Variants in ADAMTS12 observed in about 807,000 individuals in gnomAD.
The protein encoded by ADAMTS12 is A disintegrin and metalloproteinase with thrombospondin motifs 12.
In ADAMTS12, 118 loss-of-function variants were observed where a neutral mutation model predicts 167.8. The observed-to-expected ratio is 0.70, with a 90% confidence interval of 0.61 to 0.82. The LOEUF (loss-of-function observed/expected upper bound fraction) is 0.82, where lower values mean the gene tolerates loss of function less well. Among genes scored for constraint, ADAMTS12 ranks in the 40% least tolerant of loss-of-function variants. ADAMTS12 has a pLI of 0.00. For missense variants in ADAMTS12, 1,916 were observed against 1,998.8 expected, an observed-to-expected ratio of 0.96 and a Z score of 0.79; for synonymous variants, 704 against 716.9, an observed-to-expected ratio of 0.98 and a Z score of 0.29.
intron 15 of ADAMTS12, among the ~76,000 whole-genome samples, chr5:33,615,507 T>C (rs1357519862): frequency 2.0e-5 from 3 of 152,144 alleles, no homozygotes; most frequent in African/African-American, 7.2e-5. Context: ...ATCCCCACTG[T>C]TGGAAAGCTA....
chr5:33,703,653 C>T (rs966400994), intron 3 of ADAMTS12, among the ~76,000 whole-genome samples: 2 of 152,166 alleles, frequency 1.3e-5, no homozygotes, highest in Non-Finnish European at 2.9e-5. Context: ...TGGCATTTAT[C>T]TTTCTGTGTC....
At chr5:33,556,462 C>T (rs1745491234) in intron 20 of ADAMTS12, among the ~76,000 whole-genome samples, 1 of 152,190 alleles carries the variant, frequency 6.6e-6, no homozygotes, top group Non-Finnish European at 1.5e-5. Context: ...TGTCTCAGTC[C>T]TCTGTCATGT....
chr5:33,884,803 A>G (rs1238086079), intron 1 of ADAMTS12, among the ~76,000 whole-genome samples: 1 of 152,236 alleles, frequency 6.6e-6, no homozygotes, highest in African/African-American at 2.4e-5. Context: ...AACTGAGACA[A>G]AAGAAAGAGT....
At chr5:33,836,947 C>A (rs1748550464) in intron 2 of ADAMTS12, among the ~76,000 whole-genome samples, 1 of 151,888 alleles carries the variant, frequency 6.6e-6, no homozygotes. Context: ...CAGGGTCTCA[C>A]TATGTTGCCC....
intron 1 of ADAMTS12, among the ~76,000 whole-genome samples, chr5:33,888,742 A>G (rs1580027132): frequency 1.3e-5 from 2 of 152,340 alleles, no homozygotes; most frequent in South Asian, 4.1e-4. Flanking sequence ...CTAAGGGGAT[A>G]TGATTGGCTG....
intron 17 of ADAMTS12, among the ~76,000 whole-genome samples, chr5:33,590,446 G>A (rs929166370): frequency 2.0e-5 from 3 of 152,106 alleles, no homozygotes; most frequent in African/African-American, 7.2e-5. Flanking sequence ...AATGGATTAA[G>A]GCCACTTGGA....
intron 2 of ADAMTS12, among the ~76,000 whole-genome samples, chr5:33,853,467 G>A (rs1237479502): frequency 6.6e-6 from 1 of 152,186 alleles, no homozygotes; most frequent in Non-Finnish European, 1.5e-5. Context: ...ACACAGATTT[G>A]AACATAACGC....
rs748800367 is a variant in ADAMTS12, at chr5:33,658,276, A to T, written c.1098T>A (p.Leu366=). The T allele has an allele frequency of 1.2e-6, 2 of 1,613,756 alleles. No homozygotes were observed. Among genetic ancestry groups the T allele is most frequent in the Admixed American group, 3.3e-5 (2 of 59,970 alleles). Residue 366 remains leucine (L), a synonymous_variant, in exon 7 of 24, where the codon CTT becomes CTA. Coordinates refer to ENST00000504830, the MANE Select transcript of ADAMTS12 (RefSeq NM_030955.4). ...TGCGGTGAGGCTGACACATTCCTGAAAGGTGAGACAGGCCCAGGGTCTCGC... is the reference window on the plus strand; with the variant it reads ...TGCGGTGAGGCTGACACATTCCTGATAGGTGAGACAGGCCCAGGGTCTCGC... ...RPCETLGLSH[L]SGMCQPHRSC... is the part of the protein sequence containing the mutation.
chr5:33,705,944 A>G (rs1488116238), intron 3 of ADAMTS12, among the ~76,000 whole-genome samples: 1 of 152,216 alleles, frequency 6.6e-6, no homozygotes, highest in African/African-American at 2.4e-5. Context: ...CCTCTACAAG[A>G]AACTACAAAA....
At chr5:33,529,169 A>ATGT (rs1387854469) in intron 23 of ADAMTS12, among the ~76,000 whole-genome samples, 4 of 152,228 alleles carry the variant, frequency 2.6e-5, no homozygotes, top group African/African-American at 4.8e-5. Context: ...ATGTACAAAT[A>ATGT]ATTCCCAGAG....
chr5:33,663,367 C>A (rs1039558536), intron 5 of ADAMTS12, among the ~76,000 whole-genome samples: 1 of 151,734 alleles, frequency 6.6e-6, no homozygotes, highest in Admixed American at 6.6e-5. Context: ...ACGTGCCCAC[C>A]CATCATAAAA....
intron 14 of ADAMTS12, among the ~76,000 whole-genome samples, chr5:33,621,837 C>T (rs1183886419): frequency 6.6e-6 from 1 of 152,140 alleles, no homozygotes; most frequent in African/African-American, 2.4e-5. Flanking sequence ...GCTCACAAAC[C>T]ACAGAGTGAG....
At chr5:33,680,741 G>T (rs1186143957) in intron 5 of ADAMTS12, among the ~76,000 whole-genome samples, 1 of 152,130 alleles carries the variant, frequency 6.6e-6, no homozygotes, top group Admixed American at 6.5e-5. Context: ...TTAATGAGGG[G>T]ATAGGCAAGA....
chr5:33,635,903 C>A (rs1343590074), intron 12 of ADAMTS12, among the ~76,000 whole-genome samples: 1 of 152,038 alleles, frequency 6.6e-6, no homozygotes, highest in Non-Finnish European at 1.5e-5. Flanking sequence ...AAGAAACTAC[C>A]GGGATAGAGG....
intron 2 of ADAMTS12, among the ~76,000 whole-genome samples, chr5:33,809,168 G>A (rs1436093707): frequency 6.6e-6 from 1 of 152,134 alleles, no homozygotes; most frequent in Non-Finnish European, 1.5e-5. Context: ...ACTGTAATGA[G>A]CATTTAAAAC....
intron 2 of ADAMTS12, among the ~76,000 whole-genome samples, chr5:33,779,239 G>C (rs1306962200): frequency 6.8e-6 from 1 of 145,992 alleles, no homozygotes; most frequent in Non-Finnish European, 1.5e-5. Flanking sequence ...AGGCTGGAGT[G>C]CAGTGGTACA....
At position 33,582,874 on chromosome 5, in the gene ADAMTS12, G is replaced by A. The variant is rs371655759; in HGVS notation, c.2866-5714C>T. Among the ~76,000 whole-genome samples, 133 of 152,312 alleles carry A rather than the reference G, an allele frequency of 8.7e-4. 1 individual carries two copies. The highest frequency in any genetic ancestry group is 3.0e-3 in the African/African-American group (126 of 41,568). On this transcript the variant is annotated intron_variant, in intron 18 of 23. Transcript: ENST00000504830. ...AAATGTTTATGGGTACATAGTAGGTGTATATATTTATGGGGTACATGAGAT... is the reference window on the plus strand; with the variant it reads ...AAATGTTTATGGGTACATAGTAGGTATATATATTTATGGGGTACATGAGAT...
At chr5:33,627,955 T>C (rs1015352861) in intron 13 of ADAMTS12, among the ~76,000 whole-genome samples, 86 of 146,166 alleles carry the variant, frequency 5.9e-4, no homozygotes, top group African/African-American at 2.2e-3. Context: ...TAAGGACACA[T>C]GCATAACGTT....
At chr5:33,828,292 C>T (rs1285263948) in intron 2 of ADAMTS12, among the ~76,000 whole-genome samples, 1 of 152,156 alleles carries the variant, frequency 6.6e-6, no homozygotes, top group Non-Finnish European at 1.5e-5. Flanking sequence ...AGTATCACTT[C>T]ATATATTTAT....
Sources: gnomAD v4.1 joint callset for allele counts (sites outside exome capture counted in the v4.1 genomes callset) on GRCh38, gnomAD v4.1.1 for gene constraint, MANE v1.5 for transcripts, NCBI Gene and HGNC (gene_info 2026-07-23, HGNC 2026-07-21) for gene names.